The following HS3ST3A1 variants were observed in gnomAD, a reference collection of about 807,000 sequenced individuals.
HS3ST3A1 encodes heparan sulfate-glucosamine 3-sulfotransferase 3A1, also known as heparan sulfate glucosamine 3-O-sulfotransferase 3A1.
In HS3ST3A1, 19 loss-of-function variants were observed where a neutral mutation model predicts 25.7. The ratio of observed to expected loss-of-function variants is 0.74; its 90% CI spans 0.52 to 1.08. HS3ST3A1 has a LOEUF of 1.08. HS3ST3A1 is among the 50% of genes least tolerant of loss of function. The probability of loss-of-function intolerance (pLI) is 0.00; values close to 1 mark genes in which losing one functional copy is unlikely to be tolerated. For missense variants in HS3ST3A1, 459 were observed against 594.3 expected (o/e 0.77, Z 2.37); for synonymous variants, 226 against 278.6 (o/e 0.81, Z 1.88).
At chr17:13,537,859 T>C (rs901490795) in intron 1 of HS3ST3A1, among the ~76,000 whole-genome samples, 1 of 152,188 alleles carries the variant, frequency 6.6e-6, no homozygotes, top group Non-Finnish European at 1.5e-5. Flanking sequence ...TATTCCAAGG[T>C]AGTAAAAGTA....
intron 1 of HS3ST3A1, among the ~76,000 whole-genome samples, chr17:13,510,717 T>A (rs1186188271): frequency 6.6e-6 from 1 of 152,034 alleles, no homozygotes; most frequent in African/African-American, 2.4e-5. Flanking sequence ...GATTTTTTTT[T>A]TTTTTTATAC....
chr17:13,524,177 T>G (rs1243334659), intron 1 of HS3ST3A1, among the ~76,000 whole-genome samples: 1 of 152,224 alleles, frequency 6.6e-6, no homozygotes, highest in Non-Finnish European at 1.5e-5. Context: ...ATATACACAT[T>G]TTACAAATAC....
At chr17:13,595,821 T>C (rs1426772100) in intron 1 of HS3ST3A1, among the ~76,000 whole-genome samples, 1 of 150,502 alleles carries the variant, frequency 6.6e-6, no homozygotes, top group Non-Finnish European at 1.5e-5. Flanking sequence ...TTCAACTGTG[T>C]CCCGGAGAGA....
intron 1 of HS3ST3A1, among the ~76,000 whole-genome samples, chr17:13,587,058 G>A (rs528230236): frequency 6.6e-6 from 1 of 151,450 alleles, no homozygotes; most frequent in East Asian, 1.9e-4. Context: ...ACCTTTTTAA[G>A]GTAACTACTA....
chr17:13,561,522 G>T (rs1000005817), intron 1 of HS3ST3A1, among the ~76,000 whole-genome samples: 1 of 152,018 alleles, frequency 6.6e-6, no homozygotes, highest in Non-Finnish European at 1.5e-5. Context: ...AAGGAGCTGG[G>T]ATTTGGGATT....
At chr17:13,572,201 A>C (rs933576915) in intron 1 of HS3ST3A1, among the ~76,000 whole-genome samples, 7 of 152,158 alleles carry the variant, frequency 4.6e-5, no homozygotes, top group Non-Finnish European at 1.0e-4. Context: ...ATGTTTAGGG[A>C]TATTTCTCTA....
intron 1 of HS3ST3A1, among the ~76,000 whole-genome samples, chr17:13,514,188 C>T (rs1482001597): frequency 6.6e-6 from 1 of 151,236 alleles, no homozygotes; most frequent in East Asian, 1.9e-4. Flanking sequence ...ATATTTATCC[C>T]TTGTCTTTTA....
At chr17:13,593,670 C>T (rs899114271) in intron 1 of HS3ST3A1, among the ~76,000 whole-genome samples, 10 of 152,310 alleles carry the variant, frequency 6.6e-5, no homozygotes, top group Middle Eastern at 3.4e-3. Flanking sequence ...CATCCTTCAA[C>T]GCCTGTTAGG....
rs1054271042 is a variant in HS3ST3A1, at chr17:13,586,040, G to A, written c.599+14491C>T. 1.7e-4 allele frequency among the ~76,000 whole-genome samples: 26 copies of A among 151,494 alleles called. 1 individual carries two copies. The highest frequency in any genetic ancestry group is 1.6e-3 in the Admixed American group (24 of 15,198). ...ATTTTTTGTATTTTAGTAGAGACGG[G>A]GTTTCACCATGTTGACCAGGATGGT... On this transcript the variant is annotated intron_variant, in intron 1 of 1. Transcript: ENST00000284110.
Position 13,601,209 on chromosome 17 carries a change from G to T in HS3ST3A1, c.-80C>A. 8.9e-7 allele frequency: 1 copy of T among 1,125,196 alleles called. No homozygotes were observed. Among genetic ancestry groups the T allele is most frequent in the Non-Finnish European group, 1.2e-6 (1 of 835,738 alleles). 69.7% of individuals were successfully genotyped at this position (1,125,196 alleles called of 1,614,324 possible). On this transcript the variant is annotated 5_prime_UTR_variant, in exon 1 of 2. Transcript: ENST00000284110. The stretch of plus-strand genomic sequence containing the variant: ...ACAGGTGCCAGAGCATCCCCCCGGC[G>T]GGCCAGCGCGCTGGACGGAGGCCAC...
At chr17:13,546,627 G>C (rs1907096012) in intron 1 of HS3ST3A1, among the ~76,000 whole-genome samples, 1 of 152,134 alleles carries the variant, frequency 6.6e-6, no homozygotes, top group African/African-American at 2.4e-5. Flanking sequence ...TTTCCCTATG[G>C]AAATGGCACC....
chr17:13,544,852 C>T (rs1440040209), intron 1 of HS3ST3A1, among the ~76,000 whole-genome samples: 1 of 151,870 alleles, frequency 6.6e-6, no homozygotes, highest in Non-Finnish European at 1.5e-5. Flanking sequence ...ACATGGTGCT[C>T]ACTCAATTGG....
At chr17:13,570,532 T>C (rs1200397926) in intron 1 of HS3ST3A1, among the ~76,000 whole-genome samples, 1 of 152,242 alleles carries the variant, frequency 6.6e-6, no homozygotes, top group African/African-American at 2.4e-5. Flanking sequence ...TAGGCTGGAA[T>C]GCAGTGACAC....
At chr17:13,511,437 C>T (rs757603062) in intron 1 of HS3ST3A1, among the ~76,000 whole-genome samples, 3 of 151,992 alleles carry the variant, frequency 2.0e-5, no homozygotes, top group Non-Finnish European at 4.4e-5. Flanking sequence ...GTAGCTTATC[C>T]AGTGCTTCCT....
intron 1 of HS3ST3A1, among the ~76,000 whole-genome samples, chr17:13,531,012 T>G (rs897141850): frequency 6.6e-6 from 1 of 152,150 alleles, no homozygotes; most frequent in Non-Finnish European, 1.5e-5. Context: ...GTGTTTCCAT[T>G]TGATTGGGTC....
chr17:13,496,852 C>CA (rs1428902098), intron 1 of HS3ST3A1, 34 bp from the exon 2 acceptor site: 1 of 1,596,038 alleles, frequency 6.3e-7, no homozygotes, highest in Non-Finnish European at 8.5e-7. Flanking sequence ...CAGAGATGTG[C>CA]AGAGAGAGCT....
chr17:13,601,141 G>A lies in HS3ST3A1; in HGVS notation c.-12C>T, dbSNP rs969258819. 1.3e-6 allele frequency: 2 copies of A among 1,507,426 alleles called. No homozygotes were observed. The highest frequency in any genetic ancestry group is 2.6e-5 in the East Asian group (1 of 38,168). The allele number at this position is 1,507,426 out of a possible 1,614,324, so 93.4% of individuals were successfully genotyped here. On this transcript the variant is annotated 5_prime_UTR_variant, in exon 1 of 2. Coordinates refer to ENST00000284110, the MANE Select transcript of HS3ST3A1 (RefSeq NM_006042.3). ...CCCGGAGGGGCCATCCTAGCCGGAG[G>A]CGACGTCGGGCAACGCGCCGGCCAT...
chr17:13,578,562 CAAAAAAA>C (rs536270780), intron 1 of HS3ST3A1, among the ~76,000 whole-genome samples: 1 of 85,836 alleles, frequency 1.2e-5, no homozygotes. Context: ...GACTCCATCT[CAAAAAAA>C]AAAAAAAAAA....
chr17:13,550,465 T>C (rs917658248), intron 1 of HS3ST3A1, among the ~76,000 whole-genome samples: 4 of 152,218 alleles, frequency 2.6e-5, no homozygotes, highest in African/African-American at 9.6e-5. Flanking sequence ...TTCTGGCTGC[T>C]GGAATGGAGC....
Sources: gnomAD v4.1 joint callset for allele counts (sites outside exome capture counted in the v4.1 genomes callset) on GRCh38, gnomAD v4.1.1 for gene constraint, MANE v1.5 for transcripts, NCBI Gene and HGNC (gene_info 2026-07-23, HGNC 2026-07-21) for gene names.